EFNA5: variants seen among roughly 807,000 people sequenced by gnomAD.
The protein encoded by EFNA5 is ephrin A5, also known as ephrin-A5.
Under a neutral mutation model 22.9 loss-of-function variants are expected in EFNA5, and 5 were observed. The ratio of observed to expected loss-of-function variants is 0.22; its 90% confidence interval spans 0.11 to 0.46. The LOEUF is 0.46. EFNA5 is among the 20% of genes least tolerant of loss of function. The pLI, the probability that EFNA5 is intolerant of heterozygous loss-of-function variation, is 0.99. For synonymous variants in EFNA5, 113 were observed against 112.2 expected, an observed-to-expected ratio of 1.01 and a Z score of -0.04; for missense variants, 237 against 293.3, an observed-to-expected ratio of 0.81 and a Z score of 1.40.
At chr5:107,624,465 T>C (rs779831421) in intron 1 of EFNA5, among the ~76,000 whole-genome samples, 1 of 152,204 alleles carries the variant, frequency 6.6e-6, no homozygotes, top group Non-Finnish European at 1.5e-5. Context: ...AGATCACTTA[T>C]TTGGTTTAGG....
At chr5:107,621,781 G>A (rs1311798772) in intron 1 of EFNA5, among the ~76,000 whole-genome samples, 1 of 152,152 alleles carries the variant, frequency 6.6e-6, no homozygotes, top group Non-Finnish European at 1.5e-5. Flanking sequence ...GATTTAAAAA[G>A]AGGAAGGAAA....
rs1361202635 is a variant in EFNA5, at chr5:107,644,695, T to C, written c.125+25794A>G. 1.3e-5 allele frequency among the ~76,000 whole-genome samples: 2 copies of C among 151,994 alleles called. 1 individual carries two copies. Among genetic ancestry groups the C allele is most frequent in the South Asian group, 4.1e-4 (2 of 4,830 alleles). ...TTTAAGTGACTACTGTCTACTTTTT[T>C]CTGTTTTGTTTTTTGTTTGTTTTTT... On this transcript the variant is annotated intron_variant, in intron 1 of 4. Transcript: ENST00000333274.
rs1294136606 is a variant in EFNA5, at chr5:107,670,540, G to A, written c.74C>T (p.Ser25Phe). The change falls in exon 1 of 5, where the codon TCC becomes TTC. Residue 25 changes from serine to phenylalanine, a missense_variant. Coordinates refer to ENST00000333274, the MANE Select transcript of EFNA5 (RefSeq NM_001962.3). ...WMCVFSQDPG[S>F]KAVADRYAVY... ...AGCGTAGCGGTCGGCGACGGCCTTG[G>A]AGCCCGGGTCCTGGCTGAACACACA... 7 of 1,591,074 alleles carry A rather than the reference G, an allele frequency of 4.4e-6. No homozygotes were observed. Among genetic ancestry groups the A allele is most frequent in the Non-Finnish European group, 6.0e-6 (7 of 1,168,436 alleles).
At chr5:107,571,522 T>C (rs916128038) in intron 1 of EFNA5, among the ~76,000 whole-genome samples, 3 of 149,204 alleles carry the variant, frequency 2.0e-5, no homozygotes, top group Admixed American at 6.8e-5. Flanking sequence ...TGCTTATAAA[T>C]TACCAAGGGT....
intron 1 of EFNA5, among the ~76,000 whole-genome samples, chr5:107,521,533 A>T (rs1331294211): frequency 1.4e-5 from 2 of 147,370 alleles, no homozygotes; most frequent in Admixed American, 6.8e-5. Context: ...CTGGTCTTAA[A>T]CTCCTAGGCT....
chr5:107,614,311 C>T (rs577395649), intron 1 of EFNA5, among the ~76,000 whole-genome samples: 5 of 152,160 alleles, frequency 3.3e-5, no homozygotes, highest in South Asian at 4.1e-4. Context: ...ACTGAATATT[C>T]GACATATTAA....
At chr5:107,467,431 C>G (rs921793162) in intron 1 of EFNA5, among the ~76,000 whole-genome samples, 3 of 152,126 alleles carry the variant, frequency 2.0e-5, no homozygotes, top group Non-Finnish European at 4.4e-5. Flanking sequence ...GCTTCTGGAT[C>G]TGAGGCTTGT....
At chr5:107,543,790 T>C (rs909650804) in intron 1 of EFNA5, among the ~76,000 whole-genome samples, 1 of 152,236 alleles carries the variant, frequency 6.6e-6, no homozygotes, top group African/African-American at 2.4e-5. Context: ...ACCATAACTT[T>C]TATATCCTAA....
chr5:107,392,230 C>T (rs1030419113), intron 2 of EFNA5, among the ~76,000 whole-genome samples: 1 of 152,240 alleles, frequency 6.6e-6, no homozygotes, highest in South Asian at 2.1e-4. Flanking sequence ...TGTATAATCC[C>T]CTCCCCTTGA....
chr5:107,553,493 A>G (rs944665635), intron 1 of EFNA5, among the ~76,000 whole-genome samples: 3 of 152,204 alleles, frequency 2.0e-5, no homozygotes, highest in Non-Finnish European at 4.4e-5. Flanking sequence ...TAGATTTTAT[A>G]TCCCTAAAGG....
chr5:107,390,929 C>T lies in EFNA5; in HGVS notation c.419-3158G>A, dbSNP rs181761211. Among the ~76,000 whole-genome samples the T allele has an allele frequency of 2.6e-3, 392 of 152,232 alleles. 1 individual carries two copies. Among genetic ancestry groups the T allele is most frequent in the Admixed American group, 5.0e-3 (77 of 15,282 alleles). On this transcript the variant is annotated intron_variant, in intron 2 of 4. Transcript: ENST00000333274. ...ATCCCAACACTGTGGGAGGCCAAGC[C>T]GGATGGATCACTTAAGGCCAGGAGT...
chr5:107,423,728 T>C (rs957618380), intron 2 of EFNA5, among the ~76,000 whole-genome samples: 3 of 152,308 alleles, frequency 2.0e-5, no homozygotes, highest in African/African-American at 7.2e-5. Context: ...TTAAAAACAG[T>C]ATTTGTCAGA....
intron 1 of EFNA5, among the ~76,000 whole-genome samples, chr5:107,563,729 C>T (rs150643861): frequency 1.5e-4 from 23 of 152,242 alleles, no homozygotes; most frequent in Non-Finnish European, 1.5e-5. Context: ...GCATGAGCCA[C>T]TGCACCCGGC....
At chr5:107,666,481 A>G (rs1459213075) in intron 1 of EFNA5, among the ~76,000 whole-genome samples, 1 of 152,188 alleles carries the variant, frequency 6.6e-6, no homozygotes, top group Non-Finnish European at 1.5e-5. Context: ...CTCTAATATG[A>G]AATGTTTAAT....
At chr5:107,585,182 C>T (rs1580543450) in intron 1 of EFNA5, among the ~76,000 whole-genome samples, 1 of 152,208 alleles carries the variant, frequency 6.6e-6, no homozygotes, top group Non-Finnish European at 1.5e-5. Context: ...CAGTTTCATG[C>T]AATATCAATG....
chr5:107,561,671 A>G (rs1170996303), intron 1 of EFNA5, among the ~76,000 whole-genome samples: 3 of 152,158 alleles, frequency 2.0e-5, no homozygotes, highest in Non-Finnish European at 2.9e-5. Flanking sequence ...CCTGGCCTGA[A>G]AAAAATACAC....
At chr5:107,511,929 T>G (rs929864110) in intron 1 of EFNA5, among the ~76,000 whole-genome samples, 2 of 152,200 alleles carry the variant, frequency 1.3e-5, no homozygotes, top group Non-Finnish European at 2.9e-5. Context: ...TTCATTAGCT[T>G]ACATCATAGT....
At chr5:107,469,507 AG>A (rs2112464193) in intron 1 of EFNA5, among the ~76,000 whole-genome samples, 1 of 152,192 alleles carries the variant, frequency 6.6e-6, no homozygotes, top group East Asian at 1.9e-4. Context: ...TATATTGTAA[AG>A]GAAGAAGTTA....
intron 1 of EFNA5, among the ~76,000 whole-genome samples, chr5:107,630,212 T>C (rs564096316): frequency 1.2e-4 from 19 of 152,326 alleles, no homozygotes; most frequent in Middle Eastern, 3.4e-3. Flanking sequence ...CTCTAAACTA[T>C]AGTCTGTTTA....
Sources: gnomAD v4.1 joint callset for allele counts (sites outside exome capture counted in the v4.1 genomes callset) on GRCh38, gnomAD v4.1.1 for gene constraint, MANE v1.5 for transcripts, NCBI Gene and HGNC (gene_info 2026-07-23, HGNC 2026-07-21) for gene names.